TRMT44: variants seen among roughly 807,000 people sequenced by gnomAD.
TRMT44 encodes the protein tRNA methyltransferase 44 homolog, also known as probable tRNA (uracil-O(2)-)-methyltransferase.
Under a neutral mutation model 77.3 loss-of-function variants are expected in TRMT44, and 78 were observed. The observed-to-expected ratio is 1.01, with a 90% CI of 0.84 to 1.22. The LOEUF is 1.22. Among genes scored for constraint, TRMT44 ranks in the 50% most tolerant of loss-of-function variants. The pLI is 0.00. For missense variants in TRMT44, 1,090 were observed against 964.4 expected (o/e 1.13, Z -1.73); for synonymous variants, 391 against 383.3 (o/e 1.02, Z -0.23).
chr4:8,445,073 A>G (rs574188357), intron 1 of TRMT44, among the ~76,000 whole-genome samples: 2 of 152,338 alleles, frequency 1.3e-5, no homozygotes, highest in East Asian at 1.9e-4. Flanking sequence ...CCAGCCACAC[A>G]TGCCAGTGAC....
chr4:8,463,838 C>A, intron 6 of TRMT44, 147 bp from the exon 7 acceptor site: 1 of 647,004 alleles, frequency 1.5e-6, no homozygotes, highest in Non-Finnish European at 2.7e-6. Flanking sequence ...GACTTCCCCG[C>A]TCTTCCCCGC....
chr4:8,499,003 C>G, the TRMT44 span, among the ~76,000 whole-genome samples: 2 of 152,090 alleles, frequency 1.3e-5, no homozygotes, highest in Non-Finnish European at 2.9e-5. Context: ...TGTCTTTTCC[C>G]CTCTCTGTGG....
intron 9 of TRMT44, among the ~76,000 whole-genome samples, chr4:8,470,259 C>G (rs1431238526): frequency 6.6e-6 from 1 of 152,158 alleles, no homozygotes; most frequent in Non-Finnish European, 1.5e-5. Context: ...GCAGCTGCGA[C>G]AGCGGCTGCC....
intron 8 of TRMT44, among the ~76,000 whole-genome samples, chr4:8,466,629 G>A (rs1385263870): frequency 1.3e-5 from 2 of 152,260 alleles, no homozygotes; most frequent in Non-Finnish European, 1.5e-5. Context: ...GGTCTTCTGA[G>A]TTCAGAATTG....
chr4:8,453,177 G>A (rs961479260), intron 5 of TRMT44, among the ~76,000 whole-genome samples, 188 bp downstream of exon 5: 19 of 152,222 alleles, frequency 1.2e-4, no homozygotes, highest in African/African-American at 3.9e-4. Context: ...CAAGGGAAAC[G>A]TGGTGATCTC....
At chr4:8,486,768 A>C (rs996964270) in intron 2 of TRMT44, among the ~76,000 whole-genome samples, 7 of 152,122 alleles carry the variant, frequency 4.6e-5, no homozygotes, top group Admixed American at 4.6e-4. Flanking sequence ...TGCTGGGCAG[A>C]TGGGGGAGGG....
At chr4:8,487,066 A>C (rs1273710351) in intron 2 of TRMT44, among the ~76,000 whole-genome samples, 1 of 152,232 alleles carries the variant, frequency 6.6e-6, no homozygotes, top group Admixed American at 6.5e-5. Flanking sequence ...GATGTGTAAA[A>C]GAATGCCTGG....
At position 8,441,045 on chromosome 4, in the gene TRMT44, G is replaced by A; in HGVS notation, c.223G>A (p.Gly75Ser). ...SEQKERGPGPGQGSPGGGPGP... is the reference protein window; with the variant it reads ...SEQKERGPGPSQGSPGGGPGP... Reference sequence around the variant, plus strand: ...GCAGAAGGAGCGGGGTCCGGGACCCGGCCAGGGTTCCCCCGGAGGGGGCCC... The same window carrying A: ...GCAGAAGGAGCGGGGTCCGGGACCCAGCCAGGGTTCCCCCGGAGGGGGCCC... Residue 75 changes from glycine to serine, a missense_variant, in exon 1 of 11, where the codon GGC (glycine) becomes AGC (serine). Coordinates refer to ENST00000389737, the MANE Select transcript of TRMT44 (RefSeq NM_152544.3). 4 of 1,488,946 alleles carry A rather than the reference G, an allele frequency of 2.7e-6. No individual in the cohort carries two copies. Among genetic ancestry groups the A allele is most frequent in the Middle Eastern group, 2.3e-4 (1 of 4,380 alleles). 92.2% of individuals were successfully genotyped at this position (1,488,946 alleles called of 1,614,324 possible). A position where few individuals can be genotyped will look rare whatever the true frequency, so the allele number is the denominator to read the frequency against.
chr4:8,455,610 A>G (rs1240184209), intron 6 of TRMT44, among the ~76,000 whole-genome samples: 1 of 152,240 alleles, frequency 6.6e-6, no homozygotes, highest in Non-Finnish European at 1.5e-5. Flanking sequence ...ACACATTTAC[A>G]GTTTTAAAAA....
At position 8,464,187 on chromosome 4, in the gene TRMT44, G is replaced by A. The variant is rs1726367021; in HGVS notation, c.1310+96G>A. The A allele has an allele frequency of 5.7e-6, 5 of 877,522 alleles. No individual in the cohort carries two copies. The East Asian group carries it at 1.3e-4, about 24-fold the overall frequency. 54.4% of individuals were successfully genotyped at this position (877,522 alleles called of 1,614,324 possible). On this transcript the variant is annotated intron_variant, in intron 7 of 10. Transcript: ENST00000389737. ...GGGTAGCCACTAGCTGCGTGCAGTT[G>A]TCAAGCACTTGAAATGTGGGTAGTT...
the TRMT44 span, among the ~76,000 whole-genome samples, chr4:8,499,170 A>C: frequency 1.3e-5 from 2 of 152,002 alleles, no homozygotes; most frequent in African/African-American, 4.8e-5. Flanking sequence ...GCCTCCTGAG[A>C]TGTGGCTCTG....
Position 8,440,794 on chromosome 4 carries a change from C to G in TRMT44, c.-29C>G, listed in dbSNP as rs977038786. ...CGGGCTGCGTCATCTCGGCGCGCCG[C>G]TGCCAGGGCTGTACACCTGCTGGCT... On this transcript the variant is annotated 5_prime_UTR_variant, in exon 1 of 11. Transcript: ENST00000389737. The G allele has an allele frequency of 7.2e-7, 1 of 1,387,010 alleles. No individual in the cohort carries two copies. Among genetic ancestry groups the G allele is most frequent in the Admixed American group, 3.4e-5 (1 of 29,796 alleles). 85.9% of individuals were successfully genotyped at this position (1,387,010 alleles called of 1,614,324 possible). A position where few individuals can be genotyped will look rare whatever the true frequency, so the allele number is the denominator to read the frequency against.
intron 7 of TRMT44, 87 bp downstream of exon 7, chr4:8,464,178 C>T (rs901634208): frequency 3.0e-6 from 3 of 1,004,600 alleles, no homozygotes; most frequent in East Asian, 2.6e-5. Flanking sequence ...CCACTAGCTG[C>T]GTGCAGTTGT....
At chr4:8,456,533 A>G (rs1725819731) in intron 6 of TRMT44, among the ~76,000 whole-genome samples, 1 of 151,550 alleles carries the variant, frequency 6.6e-6, no homozygotes, top group African/African-American at 2.4e-5. Context: ...CAGTGTAAGA[A>G]CTGTTGTTAA....
At chr4:8,463,139 A>T (rs537694102) in intron 6 of TRMT44, among the ~76,000 whole-genome samples, 1 of 152,190 alleles carries the variant, frequency 6.6e-6, no homozygotes, top group African/African-American at 2.4e-5. Context: ...TGTCTTCCCC[A>T]TTATGATCAG....
chr4:8,488,876 A>C (rs1727904120), intron 2 of TRMT44, among the ~76,000 whole-genome samples: 1 of 152,218 alleles, frequency 6.6e-6, no homozygotes, highest in South Asian at 2.1e-4. Flanking sequence ...CATGGGATCA[A>C]GGGAGTGGTA....
intron 2 of TRMT44, among the ~76,000 whole-genome samples, chr4:8,483,419 G>T (rs2631741): frequency 4.0e-5 from 6 of 150,040 alleles, no homozygotes; most frequent in Admixed American, 1.3e-4. Context: ...AGTTTTTTTG[G>T]GGGGGGGCAC....
At chr4:8,482,910 G>C (rs1251585355) in intron 2 of TRMT44, among the ~76,000 whole-genome samples, 1 of 138,912 alleles carries the variant, frequency 7.2e-6, no homozygotes, top group Non-Finnish European at 1.5e-5. Flanking sequence ...AAAAATTTTG[G>C]GGGGGGTGGT....
Position 8,446,630 on chromosome 4 carries a change from A to G in TRMT44, c.734+40A>G, listed in dbSNP as rs966486337. ...GTGGACTCCTAGTTTTATGGTTTCC[A>G]TTGAGGATTTCTTTAGGTAGCCAAA... is the stretch of plus-strand genomic sequence containing the variant. On this transcript the variant is annotated intron_variant, in intron 2 of 10. Coordinates refer to ENST00000389737, the MANE Select transcript of TRMT44 (RefSeq NM_152544.3). The surrounding 1 kb of genome is among the most constrained non-coding windows in gnomAD (Gnocchi z 4.3). The G allele has an allele frequency of 5.0e-6, 7 of 1,413,184 alleles. No individual in the cohort carries two copies. In the Admixed American group the frequency reaches 6.3e-5, roughly 13 times the overall value. The allele number at this position is 1,413,184 out of a possible 1,614,324, so 87.5% of individuals were successfully genotyped here.
Sources: allele counts gnomAD v4.1 joint callset (sites outside exome capture counted in the v4.1 genomes callset), GRCh38; gene constraint gnomAD v4.1.1; non-coding constraint Gnocchi (gnomAD v3.1); transcripts MANE v1.5; gene names NCBI Gene and HGNC (gene_info 2026-07-23, HGNC 2026-07-21).